Variants in ZBTB44 observed in about 807,000 individuals in gnomAD.
ZBTB44 encodes the protein zinc finger and BTB domain containing 44, also known as zinc finger and BTB domain-containing protein 44.
A neutral mutation model predicts 54.0 loss-of-function variants in ZBTB44; 15 were observed. That is an observed-to-expected ratio of 0.28 (90% CI 0.19 to 0.43). The LOEUF (loss-of-function observed/expected upper bound fraction) is 0.43, where lower values mean the gene tolerates loss of function less well. Among genes scored for constraint, ZBTB44 ranks in the 20% least tolerant of loss-of-function variants. The pLI is 1.00. For missense variants in ZBTB44, 487 were observed against 707.1 expected (o/e 0.69, Z 3.53); for synonymous variants, 230 against 250.1 (o/e 0.92, Z 0.76).
intron 1 of ZBTB44, among the ~76,000 whole-genome samples, chr11:130,305,192 T>A (rs533650421): frequency 3.2e-4 from 49 of 152,286 alleles, no homozygotes; most frequent in African/African-American, 1.1e-3. Context: ...CCAAATGCAA[T>A]CTACAGATTT....
intron 2 of ZBTB44, among the ~76,000 whole-genome samples, chr11:130,254,142 C>T (rs1319918963): frequency 1.3e-5 from 2 of 152,158 alleles, no homozygotes; most frequent in Admixed American, 1.3e-4. Flanking sequence ...CAATACCATT[C>T]AGGACATAGG....
chr11:130,250,629 A>C (rs1324596026), intron 2 of ZBTB44, among the ~76,000 whole-genome samples: 1 of 152,228 alleles, frequency 6.6e-6, no homozygotes, highest in African/African-American at 2.4e-5. Context: ...GGTGATACCC[A>C]GGCTAATAGG....
intron 5 of ZBTB44, among the ~76,000 whole-genome samples, chr11:130,235,754 C>A (rs754119585): frequency 6.6e-5 from 10 of 151,952 alleles, no homozygotes; most frequent in Non-Finnish European, 1.3e-4. Flanking sequence ...AATCCCACAG[C>A]ACTTTGGGAG....
chr11:130,308,251 C>T (rs1394286898), intron 1 of ZBTB44, among the ~76,000 whole-genome samples: 4 of 152,182 alleles, frequency 2.6e-5, no homozygotes, highest in Admixed American at 6.5e-5. Flanking sequence ...ATGACACAAT[C>T]GCCTAACGAC....
chr11:130,307,020 T>A (rs1378370221), intron 1 of ZBTB44, among the ~76,000 whole-genome samples: 1 of 137,730 alleles, frequency 7.3e-6, no homozygotes, highest in Non-Finnish European at 1.5e-5. Context: ...AAAAACCACC[T>A]GCACCCCCAA....
chr11:130,256,302 TAAACGTAATCCA>T (rs1467770953), intron 2 of ZBTB44, among the ~76,000 whole-genome samples: 16 of 152,318 alleles, frequency 1.1e-4, no homozygotes, highest in African/African-American at 3.8e-4. Flanking sequence ...CGCAGATCAA[TAAACGTAATCCA>T]TCACGTAAAA....
At chr11:130,296,472 T>A (rs1478322821) in intron 1 of ZBTB44, 4 of 1,109,078 alleles carry the variant, frequency 3.6e-6, no homozygotes, top group Non-Finnish European at 5.3e-6. Context: ...CAACACAGAT[T>A]TGGGAACACA....
chr11:130,286,821 C>T (rs1940994815), intron 1 of ZBTB44, among the ~76,000 whole-genome samples: 1 of 152,132 alleles, frequency 6.6e-6, no homozygotes, highest in African/African-American at 2.4e-5. Context: ...AACAAGTGAG[C>T]TTTCTGAGGA....
Position 130,229,253 on chromosome 11 carries a change from ATTAGT to A in ZBTB44, c.*2506_*2510del, listed in dbSNP as rs1445390160. On this transcript the variant is annotated 3_prime_UTR_variant, in exon 8 of 8. Transcript: ENST00000357899. ...CGATAGAGTGGAAATGTCTAACTGT[ATTAGT>A]TTAGTAAAAAGTTAAAAAAAAGTAT... The A allele has an allele frequency of 6.6e-6, 1 of 152,166 alleles. No homozygotes were observed. Among genetic ancestry groups the A allele is most frequent in the Admixed American group, 6.5e-5 (1 of 15,278 alleles). 9.4% of individuals were successfully genotyped at this position (152,166 alleles called of 1,614,324 possible).
At chr11:130,238,179 T>G (rs1954194340) in intron 4 of ZBTB44, among the ~76,000 whole-genome samples, 1 of 152,234 alleles carries the variant, frequency 6.6e-6, no homozygotes, top group Non-Finnish European at 1.5e-5. Flanking sequence ...CTCACCTCTA[T>G]GTGCACACCT....
At position 130,314,904 on chromosome 11, in the gene ZBTB44, T is replaced by C. The variant is rs1041666875; in HGVS notation, c.-586A>G. On this transcript the variant is annotated 5_prime_UTR_variant, in exon 1 of 8. Coordinates refer to ENST00000357899, the MANE Select transcript of ZBTB44 (RefSeq NM_001301098.2). Reference sequence around the variant, plus strand: ...TCCAGCCTGTTTGGGGGCACTTTGTTTGTGTCCCACAATGCTCTGCGCCGG... The same window carrying C: ...TCCAGCCTGTTTGGGGGCACTTTGTCTGTGTCCCACAATGCTCTGCGCCGG... 1 of 150,456 alleles carries C rather than the reference T, an allele frequency of 6.6e-6. No individual in the cohort carries two copies. The highest frequency in any genetic ancestry group is 6.6e-5 in the Admixed American group (1 of 15,194). 9.3% of individuals were successfully genotyped at this position (150,456 alleles called of 1,614,324 possible). A position where few individuals can be genotyped will look rare whatever the true frequency, so the allele number is the denominator to read the frequency against.
At chr11:130,297,005 C>A in intron 1 of ZBTB44, 1 of 734,506 alleles carries the variant, frequency 1.4e-6, no homozygotes, top group Non-Finnish European at 2.5e-6. Context: ...AGTCCAAAAT[C>A]TTTAAACACA....
At position 130,231,726 on chromosome 11, in the gene ZBTB44, CAAT is replaced by C. The variant is rs1953882084; in HGVS notation, c.*49-14_*49-12del. On this transcript the variant is annotated splice_polypyrimidine_tract_variant and intron_variant, in intron 7 of 7. Transcript: ENST00000357899. ...AACCACCTCTTGGAACTAAGGGTAACAATGATTCCTGGTCATAATTTTACCTAT... is the reference window on the plus strand; with the variant it reads ...AACCACCTCTTGGAACTAAGGGTAACGATTCCTGGTCATAATTTTACCTAT... The C allele has an allele frequency of 6.6e-6, 1 of 152,118 alleles. No individual in the cohort carries two copies. 9.4% of individuals were successfully genotyped at this position (152,118 alleles called of 1,614,324 possible).
chr11:130,255,898 CAAAA>C lies in ZBTB44; in HGVS notation c.1018+4954_1018+4957del, dbSNP rs66874715. Among the ~76,000 whole-genome samples the C allele has an allele frequency of 7.5e-3, 699 of 93,436 alleles. 8 individuals are homozygous for C. The highest frequency in any genetic ancestry group is 0.028 in the African/African-American group (674 of 24,260). 61.3% of individuals were successfully genotyped at this position (93,436 alleles called of 152,430 possible). On this transcript the variant is annotated intron_variant, in intron 2 of 7. Transcript: ENST00000357899. ...AAATTCTAAAGTTGAGGCAAAACCTCAAAAAAAAAAAAAAAAAAAAAAACACCCC... is the reference window on the plus strand; with the variant it reads ...AAATTCTAAAGTTGAGGCAAAACCTCAAAAAAAAAAAAAAAAAAACACCCC...
rs1953721015 is a variant in ZBTB44, at chr11:130,227,106, C to CA, written c.*4657dup. On this transcript the variant is annotated 3_prime_UTR_variant, in exon 8 of 8. Coordinates refer to ENST00000357899, the MANE Select transcript of ZBTB44 (RefSeq NM_001301098.2). ...GGCACTTAGTTTACAAAAAAGGTCA[C>CA]AAAAATATATATATATATGTAGTCA... 1 of 151,628 alleles carries CA rather than the reference C, an allele frequency of 6.6e-6. No individual in the cohort carries two copies. The highest frequency in any genetic ancestry group is 1.9e-4 in the East Asian group (1 of 5,194). The allele number at this position is 151,628 out of a possible 1,614,324, so 9.4% of individuals were successfully genotyped here. A position where few individuals can be genotyped will look rare whatever the true frequency, so the allele number is the denominator to read the frequency against.
At chr11:130,265,056 A>C (rs931234255) in intron 1 of ZBTB44, among the ~76,000 whole-genome samples, 1 of 152,132 alleles carries the variant, frequency 6.6e-6, no homozygotes, top group Non-Finnish European at 1.5e-5. Flanking sequence ...AAGACAGTGA[A>C]CTTAATGTTG....
At chr11:130,284,376 A>G (rs1940776410) in intron 1 of ZBTB44, among the ~76,000 whole-genome samples, 1 of 152,238 alleles carries the variant, frequency 6.6e-6, no homozygotes, top group South Asian at 2.1e-4. Context: ...TTGGTAATGT[A>G]TAATTACCAC....
chr11:130,273,066 C>A (rs1224660729), intron 1 of ZBTB44, among the ~76,000 whole-genome samples: 1 of 152,154 alleles, frequency 6.6e-6, no homozygotes, highest in Non-Finnish European at 1.5e-5. Context: ...CAGAATCAGA[C>A]TGTCAATCTT....
At chr11:130,256,465 C>T (rs1394054716) in intron 2 of ZBTB44, among the ~76,000 whole-genome samples, 1 of 152,086 alleles carries the variant, frequency 6.6e-6, no homozygotes, top group African/African-American at 2.4e-5. Context: ...ATCACGAGGT[C>T]AAGAGATCGA....
Sources: allele counts gnomAD v4.1 joint callset (sites outside exome capture counted in the v4.1 genomes callset), GRCh38; gene constraint gnomAD v4.1.1; transcripts MANE v1.5; gene names NCBI Gene and HGNC (gene_info 2026-07-23, HGNC 2026-07-21).